AK2: variants seen among roughly 807,000 people sequenced by gnomAD.
AK2 encodes adenylate kinase 2.
Under a neutral mutation model 24.6 loss-of-function variants are expected in AK2, and 15 were observed. The ratio of observed to expected loss-of-function variants is 0.61; its 90% CI spans 0.41 to 0.94. The LOEUF (loss-of-function observed/expected upper bound fraction) is 0.94, where lower values mean the gene tolerates loss of function less well. Ranked by LOEUF, AK2 falls within the 40% of genes least tolerant of loss-of-function variation. AK2 has a pLI of 0.00. For synonymous variants in AK2, 102 were observed against 114.0 expected, an observed-to-expected ratio of 0.90 and a Z score of 0.67; for missense variants, 257 against 304.1, an observed-to-expected ratio of 0.85 and a Z score of 1.15.
chr1:33,009,164 G>A lies in AK2; in HGVS notation c.*4017C>T, dbSNP rs888511278. On this transcript the variant is annotated 3_prime_UTR_variant, in exon 6 of 6. Coordinates refer to ENST00000672715, the MANE Select transcript of AK2 (RefSeq NM_001625.4). ...AAGACCCTGCCTCTCTCTGTAACAA[G>A]ATGCCTAAAGAAGAATAGTGGTGCT... is the stretch of plus-strand genomic sequence containing the variant. 6.6e-6 allele frequency: 3 copies of A among 452,224 alleles called. No individual in the cohort carries two copies. Among genetic ancestry groups the A allele is most frequent in the African/African-American group, 2.0e-5 (1 of 49,852 alleles). 28.0% of individuals were successfully genotyped at this position (452,224 alleles called of 1,614,324 possible). A position where few individuals can be genotyped will look rare whatever the true frequency, so the allele number is the denominator to read the frequency against.
chr1:33,031,210 C>T (rs184587523), intron 1 of AK2: 15 of 158,430 alleles, frequency 9.5e-5, no homozygotes, highest in Non-Finnish European at 8.4e-5. Flanking sequence ...TGGCACCCTG[C>T]ACTTGTATGT....
At position 33,021,362 on chromosome 1, in the gene AK2, AAT is replaced by A. The variant is rs773506666; in HGVS notation, c.425+3_425+4del. On this transcript the variant is annotated splice_donor_region_variant and intron_variant, in intron 4 of 5. Coordinates refer to ENST00000672715, the MANE Select transcript of AK2 (RefSeq NM_001625.4). ...CATGAAAAGGGACCTTCAAGGGACAAATACCTTCCTGTGATTCTTCGGATCAG... is the reference window on the plus strand; with the variant it reads ...CATGAAAAGGGACCTTCAAGGGACAAACCTTCCTGTGATTCTTCGGATCAG... 1.2e-6 allele frequency: 2 copies of A among 1,613,642 alleles called. No homozygotes were observed. The highest frequency in any genetic ancestry group is 2.7e-5 in the African/African-American group (2 of 75,024).
At chr1:33,028,326 A>G (rs1640027113) in intron 1 of AK2, among the ~76,000 whole-genome samples, 1 of 152,038 alleles carries the variant, frequency 6.6e-6, no homozygotes, top group East Asian at 1.9e-4. Flanking sequence ...CAACATGGAG[A>G]AACCCCGTCT....
At chr1:33,018,588 A>C (rs1639339273) in intron 4 of AK2, among the ~76,000 whole-genome samples, 1 of 152,180 alleles carries the variant, frequency 6.6e-6, no homozygotes, top group African/African-American at 2.4e-5. Context: ...ACTTGGAAAA[A>C]CACCTTCAGC....
chr1:33,035,179 C>T (rs1267649715), intron 1 of AK2, among the ~76,000 whole-genome samples: 1 of 152,176 alleles, frequency 6.6e-6, no homozygotes, highest in African/African-American at 2.4e-5. Flanking sequence ...GAGATGTCAA[C>T]AACGCTGAGG....
chr1:33,023,513 G>A (rs1193947739), intron 2 of AK2, among the ~76,000 whole-genome samples: 2 of 152,130 alleles, frequency 1.3e-5, no homozygotes, highest in East Asian at 1.9e-4. Context: ...CTTGAGCCCA[G>A]GAGGTCGAGG....
Position 33,011,112 on chromosome 1 carries a change from G to C in AK2, c.*2069C>G. The C allele has an allele frequency of 2.1e-6, 3 of 1,422,410 alleles. No individual in the cohort carries two copies. The highest frequency in any genetic ancestry group is 2.6e-5 in the East Asian group (1 of 37,868). The allele number at this position is 1,422,410 out of a possible 1,614,324, so 88.1% of individuals were successfully genotyped here. ...ACTTGTACATGTTGTATGCACACGT[G>C]AATCTATGTGGACGGATGACAAATA... On this transcript the variant is annotated 3_prime_UTR_variant, in exon 6 of 6. Transcript: ENST00000672715.
intron 4 of AK2, chr1:33,020,013 T>G (rs1639430941): frequency 6.6e-7 from 1 of 1,515,140 alleles, no homozygotes; most frequent in South Asian, 1.2e-5. Context: ...GAGGGTCCAT[T>G]TGCAGTTGAA....
intron 1 of AK2, among the ~76,000 whole-genome samples, chr1:33,033,581 T>G (rs1176939384): frequency 6.6e-6 from 1 of 152,192 alleles, no homozygotes; most frequent in Non-Finnish European, 1.5e-5. Context: ...AAATTGTTGA[T>G]TTTTTAAAGG....
intron 2 of AK2, among the ~76,000 whole-genome samples, chr1:33,022,637 G>A (rs1214004166): frequency 6.6e-6 from 1 of 152,096 alleles, no homozygotes; most frequent in Non-Finnish European, 1.5e-5. Flanking sequence ...TATTACAGGA[G>A]TGAGCCACCA....
At chr1:33,017,932 T>G (rs1557617360) in intron 4 of AK2, among the ~76,000 whole-genome samples, 1 of 152,108 alleles carries the variant, frequency 6.6e-6, no homozygotes, top group Non-Finnish European at 1.5e-5. Context: ...GGCTAACTTT[T>G]TTTTTGCTTT....
intron 1 of AK2, among the ~76,000 whole-genome samples, chr1:33,025,450 G>C (rs1376377228): frequency 6.6e-6 from 1 of 152,166 alleles, no homozygotes; most frequent in East Asian, 1.9e-4. Context: ...GCTGTACTAT[G>C]GTGGCCACCT....
At chr1:33,029,221 T>C (rs937322488) in intron 1 of AK2, 1 of 152,136 alleles carries the variant, frequency 6.6e-6, no homozygotes, top group African/African-American at 2.4e-5. Flanking sequence ...ATCTTCTTCT[T>C]ATGTTTTTTT....
At chr1:33,033,566 A>T (rs1640383526) in intron 1 of AK2, among the ~76,000 whole-genome samples, 1 of 152,258 alleles carries the variant, frequency 6.6e-6, no homozygotes, top group Non-Finnish European at 1.5e-5. Context: ...AGAAAATTTG[A>T]ATAAAAATTG....
In AK2 at chr1:33,019,139, A is replaced by T. The variant is rs1639377478; in HGVS notation, c.425+2228T>A. Among the ~76,000 whole-genome samples the T allele has an allele frequency of 2.0e-5, 3 of 152,206 alleles. No individual in the cohort carries two copies. The South Asian group carries it at 6.2e-4, about 32-fold the overall frequency. On this transcript the variant is annotated intron_variant, in intron 4 of 5. Transcript: ENST00000672715. ...CTTCATCGAGGAAGAGTTTAATGTT[A>T]TCTCTATCCTAGGCAGCCTTTCTTC...
intron 4 of AK2, chr1:33,020,083 A>G: frequency 6.5e-7 from 1 of 1,535,348 alleles, no homozygotes; most frequent in South Asian, 1.2e-5. Flanking sequence ...GAAACAGGGT[A>G]GAGACAACTG....
At chr1:33,035,320 CTTTCT>C (rs1640511851) in intron 1 of AK2, among the ~76,000 whole-genome samples, 2 of 152,234 alleles carry the variant, frequency 1.3e-5, no homozygotes, top group Non-Finnish European at 2.9e-5. Flanking sequence ...TCCAGAACTT[CTTTCT>C]TTATCACCCA....
intron 1 of AK2, among the ~76,000 whole-genome samples, chr1:33,028,014 A>G (rs1012839787): frequency 5.3e-5 from 8 of 152,214 alleles, no homozygotes; most frequent in Non-Finnish European, 1.0e-4. Context: ...GAAATAAAGT[A>G]CCAAAAACAT....
At chr1:33,020,632 G>A (rs1010641450) in intron 4 of AK2, among the ~76,000 whole-genome samples, 26 of 151,824 alleles carry the variant, frequency 1.7e-4, no homozygotes, top group Admixed American at 1.2e-3. Flanking sequence ...ATTGCTTGAG[G>A]TCAGAAGTTT....
Sources: allele counts gnomAD v4.1 joint callset (sites outside exome capture counted in the v4.1 genomes callset), GRCh38; gene constraint gnomAD v4.1.1; transcripts MANE v1.5; gene names NCBI Gene and HGNC (gene_info 2026-07-23, HGNC 2026-07-21).